Variants in PTPRT observed in about 807,000 individuals in gnomAD.
PTPRT encodes the protein receptor-type tyrosine-protein phosphatase T.
PTPRT carries 56 observed loss-of-function variants against 176.8 expected under a neutral mutation model. The ratio of observed to expected loss-of-function variants is 0.32; its 90% CI spans 0.26 to 0.40. The LOEUF is 0.40. Ranked by LOEUF, PTPRT falls within the 10% of genes least tolerant of loss-of-function variation. PTPRT has a pLI of 1.00. For synonymous variants in PTPRT, 783 were observed against 739.0 expected, an observed-to-expected ratio of 1.06 and a Z score of -0.96; for missense variants, 1,540 against 1,908.2, an observed-to-expected ratio of 0.81 and a Z score of 3.60.
chr20:42,508,949 T>A (rs1199897483), intron 7 of PTPRT, among the ~76,000 whole-genome samples: 5 of 141,748 alleles, frequency 3.5e-5, no homozygotes, highest in Non-Finnish European at 6.1e-5. Flanking sequence ...AAATATAATT[T>A]ATATTTAATT....
chr20:42,348,448 C>T (rs1234713867), intron 11 of PTPRT, among the ~76,000 whole-genome samples: 1 of 151,336 alleles, frequency 6.6e-6, no homozygotes, highest in Non-Finnish European at 1.5e-5. Flanking sequence ...ACACCTTTCT[C>T]CTAGGAGGTG....
intron 9 of PTPRT, among the ~76,000 whole-genome samples, chr20:42,412,104 T>G (rs1199214845): frequency 6.6e-6 from 1 of 152,186 alleles, no homozygotes; most frequent in Non-Finnish European, 1.5e-5. Flanking sequence ...CAAAGGGCAC[T>G]GTCAAAAAGA....
At chr20:42,851,871 A>G (rs990003805) in intron 2 of PTPRT, among the ~76,000 whole-genome samples, 37 of 152,206 alleles carry the variant, frequency 2.4e-4, no homozygotes, top group Non-Finnish European at 7.3e-5. Context: ...GACTGAGATA[A>G]TGATCTGCCT....
At chr20:42,099,305 C>A (rs1985625693) in intron 26 of PTPRT, among the ~76,000 whole-genome samples, 1 of 151,944 alleles carries the variant, frequency 6.6e-6, no homozygotes, top group Admixed American at 6.6e-5. Context: ...AAACGGAAAT[C>A]ATAAATCCAA....
chr20:42,981,727 G>A (rs966848408), intron 1 of PTPRT, among the ~76,000 whole-genome samples: 2 of 152,176 alleles, frequency 1.3e-5, no homozygotes, highest in African/African-American at 2.4e-5. Context: ...TACTGGACAC[G>A]CATGATTGTA....
chr20:42,711,020 G>A (rs909840437), intron 6 of PTPRT, among the ~76,000 whole-genome samples: 3 of 152,170 alleles, frequency 2.0e-5, no homozygotes, highest in African/African-American at 2.4e-5. Flanking sequence ...CCTTTTCTTC[G>A]GGCCAATTTC....
At chr20:42,927,248 G>A (rs1364654021) in intron 1 of PTPRT, among the ~76,000 whole-genome samples, 2 of 152,166 alleles carry the variant, frequency 1.3e-5, no homozygotes, top group Non-Finnish European at 2.9e-5. Context: ...CCTGCTTAAG[G>A]GGACCAGCAG....
chr20:42,353,532 C>A lies in PTPRT; in HGVS notation c.1561-1247G>T, dbSNP rs544511860. On this transcript the variant is annotated intron_variant, in intron 9 of 30. Coordinates refer to ENST00000373187, the MANE Select transcript of PTPRT (RefSeq NM_007050.6). ...TCTACACCTGTGGAATGATTTGTGT[C>A]TACTGTTCCCTGATCACACACTTGA... is the stretch of plus-strand genomic sequence containing the variant. Among the ~76,000 whole-genome samples, 3 of 152,312 alleles carry A rather than the reference C, an allele frequency of 2.0e-5. No homozygotes were observed. In the South Asian group the frequency reaches 6.2e-4, roughly 32 times the overall value.
At chr20:42,240,716 A>C (rs1294115063) in intron 14 of PTPRT, among the ~76,000 whole-genome samples, 2 of 94,838 alleles carry the variant, frequency 2.1e-5, no homozygotes, top group African/African-American at 4.6e-5. Context: ...GCATCCATCC[A>C]TCCCATCCAT....
At chr20:43,071,294 A>G (rs75870201) in intron 1 of PTPRT, among the ~76,000 whole-genome samples, 2,778 of 152,234 alleles carry the variant, frequency 0.018, 56 homozygotes, top group East Asian at 0.079. Flanking sequence ...AGATATGCAA[A>G]TCTCAAGCCC....
chr20:43,115,467 C>A (rs1169594897), intron 1 of PTPRT, among the ~76,000 whole-genome samples: 2 of 152,168 alleles, frequency 1.3e-5, no homozygotes, highest in Admixed American at 6.5e-5. Flanking sequence ...TTTAATGATA[C>A]CCCATCGATG....
At chr20:42,455,746 A>G (rs1424019387) in intron 8 of PTPRT, among the ~76,000 whole-genome samples, 1 of 152,104 alleles carries the variant, frequency 6.6e-6, no homozygotes. Flanking sequence ...ATTTCCACAT[A>G]TGTATGGGTC....
At chr20:42,700,088 C>T (rs2075952104) in intron 6 of PTPRT, among the ~76,000 whole-genome samples, 1 of 152,142 alleles carries the variant, frequency 6.6e-6, no homozygotes. Flanking sequence ...CAGGAAAGCA[C>T]TTAAGTCACA....
chr20:42,812,071 C>CTT (rs68149991), intron 2 of PTPRT, among the ~76,000 whole-genome samples: 10 of 150,536 alleles, frequency 6.6e-5, no homozygotes, highest in Middle Eastern at 3.4e-3. Context: ...GACAACTTGA[C>CTT]TTTTTTTTTC....
intron 7 of PTPRT, among the ~76,000 whole-genome samples, chr20:42,526,727 G>C (rs1309700953): frequency 1.3e-5 from 2 of 151,906 alleles, no homozygotes; most frequent in Non-Finnish European, 2.9e-5. Flanking sequence ...ACCAATCTCT[G>C]ATTGAGTTGA....
rs1262251876 is a variant in PTPRT, at chr20:42,099,546, C to CGA, written c.3715-995_3715-994insTC. Among the ~76,000 whole-genome samples the CGA allele has an allele frequency of 5.5e-4, 16 of 28,914 alleles. 1 individual carries two copies. The East Asian group carries it at 0.01, about 18-fold the overall frequency. 19.0% of individuals were successfully genotyped at this position (28,914 alleles called of 152,430 possible). A position where few individuals can be genotyped will look rare whatever the true frequency, so the allele number is the denominator to read the frequency against. ...AGAGGCCCAGAGAAAATGGCCTGGG[C>CGA]GGGGGGGGGGGGGGTGGGGTGGTCT... On this transcript the variant is annotated intron_variant, in intron 26 of 30. Coordinates refer to ENST00000373187, the MANE Select transcript of PTPRT (RefSeq NM_007050.6).
At chr20:43,170,131 T>C (rs1204326359) in intron 1 of PTPRT, among the ~76,000 whole-genome samples, 7 of 151,922 alleles carry the variant, frequency 4.6e-5, no homozygotes, top group African/African-American at 1.7e-4. Context: ...GGCATTCCAC[T>C]CTTAAATTAG....
intron 2 of PTPRT, among the ~76,000 whole-genome samples, chr20:42,834,055 T>C (rs1600808738): frequency 6.6e-6 from 1 of 151,468 alleles, no homozygotes; most frequent in East Asian, 2.0e-4. Flanking sequence ...TAAAAGATAC[T>C]GGTAAGAGAA....
At chr20:43,129,435 T>C (rs546071345) in intron 1 of PTPRT, among the ~76,000 whole-genome samples, 1 of 152,220 alleles carries the variant, frequency 6.6e-6, no homozygotes, top group South Asian at 2.1e-4. Context: ...ATCGCGTGGC[T>C]AGTGAGCTCT....
Sources: gnomAD v4.1 joint callset for allele counts (sites outside exome capture counted in the v4.1 genomes callset) on GRCh38, gnomAD v4.1.1 for gene constraint, MANE v1.5 for transcripts, NCBI Gene and HGNC (gene_info 2026-07-23, HGNC 2026-07-21) for gene names.